Variants in EML1 observed in about 807,000 individuals in gnomAD.
EML1 encodes EMAP like 1.
In EML1, 27 loss-of-function variants were observed where a neutral mutation model predicts 110.4. The observed-to-expected ratio is 0.24, with a 90% CI of 0.18 to 0.34. The LOEUF is 0.34. Ranked by LOEUF, EML1 falls within the 10% of genes least tolerant of loss-of-function variation. The probability of loss-of-function intolerance (pLI) is 1.00; values close to 1 mark genes in which losing one functional copy is unlikely to be tolerated. For synonymous variants in EML1, 344 were observed against 385.8 expected (o/e 0.89, Z 1.27); for missense variants, 741 against 1,030.9 (o/e 0.72, Z 3.85).
chr14:99,935,402 C>T (rs974153915), intron 17 of EML1, among the ~76,000 whole-genome samples: 1 of 151,788 alleles, frequency 6.6e-6, no homozygotes, highest in Admixed American at 6.6e-5. Flanking sequence ...GAGGTTGAGG[C>T]TGCAGTAAGC....
At chr14:99,753,627 G>A (rs947031764) in intron 1 of EML1, among the ~76,000 whole-genome samples, 10 of 152,132 alleles carry the variant, frequency 6.6e-5, no homozygotes, top group African/African-American at 2.2e-4. Context: ...CGTGAGGTCC[G>A]TGTCTGCGTC....
At chr14:99,846,430 G>A (rs1301582661) in intron 1 of EML1, among the ~76,000 whole-genome samples, 1 of 151,738 alleles carries the variant, frequency 6.6e-6, no homozygotes, top group African/African-American at 2.4e-5. Context: ...CTACAGGTGT[G>A]TACCACCATG....
intron 3 of EML1, among the ~76,000 whole-genome samples, chr14:99,871,755 G>A (rs1038275429): frequency 2.0e-5 from 3 of 152,174 alleles, no homozygotes; most frequent in Non-Finnish European, 4.4e-5. Context: ...AATGGGCGAG[G>A]AATTACTGCC....
chr14:99,873,415 T>C (rs1359303236), intron 3 of EML1, among the ~76,000 whole-genome samples: 2 of 152,230 alleles, frequency 1.3e-5, no homozygotes, highest in African/African-American at 2.4e-5. Flanking sequence ...ATTTGAAGAA[T>C]AGAAAGCCAA....
rs1023452465 is a variant in EML1, at chr14:99,905,778, A to T, written c.1009-1860A>T. 6.6e-6 allele frequency among the ~76,000 whole-genome samples: 1 copy of T among 152,108 alleles called. No homozygotes were observed. The highest frequency in any genetic ancestry group is 1.5e-5 in the Non-Finnish European group (1 of 68,012). The stretch of plus-strand genomic sequence containing the variant: ...GACCTCTAACCCCCTAAATCTTAGG[A>T]AGGACTCTAACCTTCCTAAGTTGGG... On this transcript the variant is annotated intron_variant, in intron 9 of 21. Transcript: ENST00000262233. This position sits in a 1 kb window ranked among gnomAD's most constrained non-coding sequence, Gnocchi z 4.1.
chr14:99,908,546 GTTC>G (rs1278673041), intron 10 of EML1, among the ~76,000 whole-genome samples: 3 of 152,182 alleles, frequency 2.0e-5, no homozygotes, highest in Admixed American at 1.3e-4. Context: ...AGGTGTTTAA[GTTC>G]TTCTTGCTAC....
At chr14:99,777,938 C>T (rs1191444392) in intron 1 of EML1, among the ~76,000 whole-genome samples, 1 of 152,158 alleles carries the variant, frequency 6.6e-6, no homozygotes, top group African/African-American at 2.4e-5. Context: ...GCACACACCA[C>T]CATGCCTGGC....
chr14:99,863,757 C>T (rs939365846), intron 2 of EML1, among the ~76,000 whole-genome samples: 1 of 152,144 alleles, frequency 6.6e-6, no homozygotes, highest in South Asian at 2.1e-4. Flanking sequence ...GGTCGCTTCC[C>T]GTTTTTGACG....
chr14:99,759,952 C>T lies in EML1; in HGVS notation c.28+22092C>T, dbSNP rs532985428. Among the ~76,000 whole-genome samples the T allele has an allele frequency of 1.2e-4, 18 of 151,852 alleles. No homozygotes were observed. In the South Asian group the frequency reaches 1.9e-3, roughly 16 times the overall value. On this transcript the variant is annotated intron_variant, in intron 1 of 10. Transcript: ENST00000554479. ...TGAAACCCCGTCTCTACTATAAATA[C>T]AGAAATTAGCCGGGCGTGGTGGCGG...
chr14:99,914,391 A>G, intron 14 of EML1, 87 bp downstream of exon 14: 3 of 1,557,474 alleles, frequency 1.9e-6, no homozygotes, highest in Non-Finnish European at 2.6e-6. Context: ...GGTGCTTTAT[A>G]CTACGATAAC....
chr14:99,757,085 A>C (rs2057264481), intron 1 of EML1, among the ~76,000 whole-genome samples: 1 of 152,232 alleles, frequency 6.6e-6, no homozygotes, highest in Non-Finnish European at 1.5e-5. Flanking sequence ...CACGCCTGTC[A>C]TCCAAGCACT....
chr14:99,898,581 G>A (rs1246922614), intron 8 of EML1, among the ~76,000 whole-genome samples: 6 of 152,002 alleles, frequency 3.9e-5, no homozygotes, highest in Non-Finnish European at 5.9e-5. Flanking sequence ...AGTGAAACCC[G>A]TCTCTACCAA....
rs1171940399 is a variant in EML1 at position 99,781,013 on chromosome 14, T to C, written c.-27+7000T>C. Among the ~76,000 whole-genome samples, 2 of 152,134 alleles carry C rather than the reference T, an allele frequency of 1.3e-5. No homozygotes were observed. Among genetic ancestry groups the C allele is most frequent in the Non-Finnish European group, 2.9e-5 (2 of 68,018 alleles). ...GCCTCACATTTCCTATGGCATTTCA[T>C]CCACCTCATCCTTTAACCTTCCTCT... On this transcript the variant is annotated intron_variant, in intron 1 of 22. Coordinates refer to the EML1 transcript ENST00000327921. This position sits in a 1 kb window ranked among gnomAD's most constrained non-coding sequence, Gnocchi z 4.2.
chr14:99,867,490 T>G (rs1352999966), intron 3 of EML1, among the ~76,000 whole-genome samples: 1 of 152,234 alleles, frequency 6.6e-6, no homozygotes, highest in Non-Finnish European at 1.5e-5. Context: ...TTTTTTGTAT[T>G]TTCTTTTAGC....
chr14:99,891,407 T>A (rs962362631), intron 5 of EML1, among the ~76,000 whole-genome samples, 180 bp downstream of exon 5: 1 of 152,194 alleles, frequency 6.6e-6, no homozygotes, highest in Non-Finnish European at 1.5e-5. Context: ...ACAGCGAGAC[T>A]GCCTTTAAAC....
upstream of EML1, chr14:99,793,368 A>G (rs868025063): frequency 1.5e-3 from 1,497 of 990,410 alleles, 5 homozygotes; most frequent in South Asian, 5.0e-3. Context: ...CCGCCACAGC[A>G]GGGCCGGCCC....
intron 4 of EML1, among the ~76,000 whole-genome samples, chr14:99,880,888 T>C (rs926232794): frequency 2.0e-5 from 3 of 152,208 alleles, no homozygotes; most frequent in Non-Finnish European, 4.4e-5. Flanking sequence ...TCGTCATCCC[T>C]GTGATAGTTC....
intron 16 of EML1, among the ~76,000 whole-genome samples, chr14:99,919,418 GCACACAGACACACACA>G (rs1302044891): frequency 1.1e-5 from 1 of 95,164 alleles, no homozygotes; most frequent in African/African-American, 4.0e-5. Context: ...ACATACGCAT[GCACACAGACACACACA>G]CACACACACA....
At chr14:99,833,381 A>G (rs1396609033) in intron 1 of EML1, among the ~76,000 whole-genome samples, 2 of 152,120 alleles carry the variant, frequency 1.3e-5, no homozygotes, top group African/African-American at 4.8e-5. Flanking sequence ...CACCATTACC[A>G]TGTTGTCTTG....
Sources: gnomAD v4.1 joint callset for allele counts (sites outside exome capture counted in the v4.1 genomes callset) on GRCh38, gnomAD v4.1.1 for gene constraint, Gnocchi (gnomAD v3.1) non-coding constraint, MANE v1.5 for transcripts, NCBI Gene and HGNC (gene_info 2026-07-23, HGNC 2026-07-21) for gene names.